Variants in PTPRN observed in about 807,000 individuals in gnomAD.
PTPRN encodes the protein protein tyrosine phosphatase receptor type N, also known as receptor-type tyrosine-protein phosphatase-like N.
Under a neutral mutation model 108.5 loss-of-function variants are expected in PTPRN, and 70 were observed. The ratio of observed to expected loss-of-function variants is 0.65; its 90% CI spans 0.53 to 0.79. The LOEUF (loss-of-function observed/expected upper bound fraction) is 0.79, where lower values mean the gene tolerates loss of function less well. PTPRN is among the 30% of genes least tolerant of loss of function. The pLI is 0.00. For synonymous variants in PTPRN, 496 were observed against 524.6 expected (o/e 0.95, Z 0.75); for missense variants, 1,136 against 1,295.5 (o/e 0.88, Z 1.89).
rs1952036146 is a variant in PTPRN, at chr2:219,290,805, C to T, written c.2794+21G>A. ...CTAAAAAGGGCCTGGGGGCTGCGGG[C>T]ACCGTGGGGAAGCTCCCTACCTTTT... On this transcript the variant is annotated intron_variant, in intron 21 of 22. Transcript: ENST00000295718. The surrounding 1 kb of genome is among the most constrained non-coding windows in gnomAD (Gnocchi z 4.2). 6.2e-7 allele frequency: 1 copy of T among 1,612,426 alleles called. No individual in the cohort carries two copies. Among genetic ancestry groups the T allele is most frequent in the African/African-American group, 1.3e-5 (1 of 74,860 alleles).
chr2:219,296,864 A>T lies in PTPRN; in HGVS notation c.2237-42T>A, dbSNP rs1559297010. On this transcript the variant is annotated intron_variant, in intron 15 of 22. Coordinates refer to ENST00000295718, the MANE Select transcript of PTPRN (RefSeq NM_002846.4). The surrounding 1 kb of genome is among the most constrained non-coding windows in gnomAD (Gnocchi z 6.0). ...CCCCACCCCAGATGGCCCTCTGGTCATTGGCATCGCGGGACCTCTGCCACT... is the reference window on the plus strand; with the variant it reads ...CCCCACCCCAGATGGCCCTCTGGTCTTTGGCATCGCGGGACCTCTGCCACT... The T allele has an allele frequency of 1.9e-6, 3 of 1,613,732 alleles. No individual in the cohort carries two copies. The highest frequency in any genetic ancestry group is 2.5e-6 in the Non-Finnish European group (3 of 1,179,770).
intron 3 of PTPRN, among the ~76,000 whole-genome samples, chr2:219,306,637 A>T (rs1263502139): frequency 6.6e-6 from 1 of 152,134 alleles, no homozygotes; most frequent in African/African-American, 2.4e-5. Context: ...AGTGATCCAC[A>T]TCCCTTCCCC....
At position 219,296,728 on chromosome 2, in the gene PTPRN, G is replaced by A. The variant is rs1412440697; in HGVS notation, c.2310+21C>T. 6.2e-6 allele frequency: 10 copies of A among 1,612,868 alleles called. No individual in the cohort carries two copies. In the South Asian group the frequency reaches 9.9e-5, roughly 16 times the overall value. On this transcript the variant is annotated intron_variant, in intron 16 of 22. Coordinates refer to ENST00000295718, the MANE Select transcript of PTPRN (RefSeq NM_002846.4). This position sits in a 1 kb window ranked among gnomAD's most constrained non-coding sequence, Gnocchi z 6.0. ...GGATAATGATGGGGCAGAGGTGGGGGCTGGAGTCAGGGCCACTCACAATGG... is the reference window on the plus strand; with the variant it reads ...GGATAATGATGGGGCAGAGGTGGGGACTGGAGTCAGGGCCACTCACAATGG...
chr2:219,295,077 T>G lies in PTPRN; in HGVS notation c.2573A>C (p.Asn858Thr). ...DFLVRSFYLK[N>T]VQTQETRTLT... is the part of the protein sequence containing the mutation. ...CGTGCGCGTCTCCTGGGTCTGCACG[T>G]TCTTCAGGTAGAAGCTCCGCACCAG... is the stretch of plus-strand genomic sequence containing the variant. Residue 858 changes from asparagine (N) to threonine (T), a missense_variant, in exon 19 of 23, where the codon AAC (asparagine) becomes ACC (threonine). Physicochemically the swap from Asn to Thr is moderately conservative, Grantham distance 65 (BLOSUM62 0). Transcript: ENST00000295718. 1 of 1,613,578 alleles carries G rather than the reference T, an allele frequency of 6.2e-7. No individual in the cohort carries two copies. Among genetic ancestry groups the G allele is most frequent in the Non-Finnish European group, 8.5e-7 (1 of 1,179,668 alleles).
intron 12 of PTPRN, 110 bp downstream of exon 12, chr2:219,298,937 G>C (rs1055963964): frequency 1.5e-6 from 2 of 1,318,394 alleles, no homozygotes; most frequent in Admixed American, 1.7e-5. Context: ...CCAGCCAGCC[G>C]TGCCTACGGA....
Position 219,300,216 on chromosome 2 carries a change from G to A in PTPRN, c.1205C>T (p.Pro402Leu), listed in dbSNP as rs780409924. ...PVEGRDTAEL[P>L]ARTSPMPGHP... is the part of the protein sequence containing the mutation. ...TCCAGGCATGGGGGATGTGCGGGCT[G>A]GAAGCTCTGCTGTGTCTCTGCCCTC... The change falls in exon 9 of 23, where the codon CCA becomes CTA. Residue 402 changes from proline to leucine, a missense_variant. By Grantham distance (98) the Pro-to-Leu change is moderately conservative. Transcript: ENST00000295718. The A allele has an allele frequency of 1.9e-6, 3 of 1,600,470 alleles. No individual in the cohort carries two copies. Among genetic ancestry groups the A allele is most frequent in the East Asian group, 2.2e-5 (1 of 44,688 alleles).
chr2:219,304,033 C>G (rs952296896), intron 3 of PTPRN: 3 of 434,040 alleles, frequency 6.9e-6, no homozygotes, highest in Non-Finnish European at 1.2e-5. Context: ...GGGTTTGAAT[C>G]CTGCCTTTGC....
rs139614168 is a variant in PTPRN at position 219,297,096 on chromosome 2, G to A, written c.2125C>T (p.Leu709Phe). 1.9e-6 allele frequency: 3 copies of A among 1,614,026 alleles called. No individual in the cohort carries two copies. The highest frequency in any genetic ancestry group is 2.5e-6 in the Non-Finnish European group (3 of 1,180,038). The change falls in exon 15 of 23, where the codon CTT (leucine) becomes TTT (phenylalanine). Residue 709 changes from leucine (L) to phenylalanine (F), a missense_variant. Leu to Phe is a conservative substitution (Grantham distance 22). Coordinates refer to ENST00000295718, the MANE Select transcript of PTPRN (RefSeq NM_002846.4). This position sits in a 1 kb window ranked among gnomAD's most constrained non-coding sequence, Gnocchi z 6.0. ...MEDHLRNRDR[L>F]AKEWQALCAY... The stretch of plus-strand genomic sequence containing the variant: ...CAGAGGGCCTGCCACTCCTTGGCAA[G>A]GCGGTCCCGGTTCCGCAGGTGATCC...
intron 19 of PTPRN, 87 bp downstream of exon 19, chr2:219,294,888 G>T: frequency 7.6e-7 from 1 of 1,315,128 alleles, no homozygotes; most frequent in Non-Finnish European, 9.9e-7. Context: ...CTCCAGGCCC[G>T]ACCCGGGGCT....
intron 1 of PTPRN, 64 bp from the exon 2 acceptor site, chr2:219,307,906 A>G (rs1952524443): frequency 6.7e-7 from 1 of 1,499,226 alleles, no homozygotes; most frequent in South Asian, 1.1e-5. Flanking sequence ...AGATGGGTGG[A>G]CAGGCTGGGA....
At chr2:219,305,370 G>A (rs569289675) in intron 3 of PTPRN, among the ~76,000 whole-genome samples, 1 of 152,084 alleles carries the variant, frequency 6.6e-6, no homozygotes, top group East Asian at 1.9e-4. Flanking sequence ...AGCCTCCTGA[G>A]TAGCTGGGAT....
chr2:219,295,997 CACACACAT>C (rs201810475), intron 18 of PTPRN: 270 of 585,394 alleles, frequency 4.6e-4, no homozygotes, highest in African/African-American at 4.0e-3. Context: ...CACACACACA[CACACACAT>C]GTATGTTCTG....
chr2:219,296,435 C>T lies in PTPRN; in HGVS notation c.2388+4G>A. ...CCAGCGAAGCCCTCCCTTTAAGAGC[C>T]CACCTGCCAGAAGTCTGCGATGGTA... On this transcript the variant is annotated splice_donor_region_variant and intron_variant, in intron 17 of 22. Transcript: ENST00000295718. The surrounding 1 kb of genome is among the most constrained non-coding windows in gnomAD (Gnocchi z 6.0). 6.2e-7 allele frequency: 1 copy of T among 1,614,156 alleles called. No homozygotes were observed. The highest frequency in any genetic ancestry group is 8.5e-7 in the Non-Finnish European group (1 of 1,180,004).
intron 19 of PTPRN, among the ~76,000 whole-genome samples, chr2:219,294,527 T>TGAAGGAGGGACGGAGAGGGAG (rs1952130524): frequency 5.8e-5 from 8 of 137,726 alleles, no homozygotes; most frequent in African/African-American, 1.4e-4. Context: ...CGGAGAGGGA[T>TGAAGGAGGGACGGAGAGGGAG]GAAGGAGGGG....
rs2125087369 is a variant in PTPRN at position 219,290,863 on chromosome 2, G to A, written c.2757C>T (p.Tyr919=). 3 of 1,614,140 alleles carry A rather than the reference G, an allele frequency of 1.9e-6. No homozygotes were observed. The highest frequency in any genetic ancestry group is 2.5e-6 in the Non-Finnish European group (3 of 1,180,002). ...CSDGAGRTGT[Y]ILIDMVLNRM... is the part of the protein sequence containing the mutation. ...GGTTCAGGACCATGTCGATGAGGAT[G>A]TAGGTGCCGGTCCTCCCCGCACCAT... The change falls in exon 21 of 23, where the codon TAC becomes TAT. Residue 919 remains tyrosine, a synonymous_variant. Coordinates refer to ENST00000295718, the MANE Select transcript of PTPRN (RefSeq NM_002846.4). This position sits in a 1 kb window ranked among gnomAD's most constrained non-coding sequence, Gnocchi z 4.2.
At chr2:219,304,734 G>A (rs1287677127) in intron 3 of PTPRN, among the ~76,000 whole-genome samples, 2 of 152,074 alleles carry the variant, frequency 1.3e-5, no homozygotes, top group African/African-American at 4.8e-5. Context: ...CACCTATTCA[G>A]GAACATTCTC....
At chr2:219,305,494 G>A (rs1952460726) in intron 3 of PTPRN, among the ~76,000 whole-genome samples, 2 of 152,068 alleles carry the variant, frequency 1.3e-5, no homozygotes, top group Non-Finnish European at 2.9e-5. Flanking sequence ...GCCTGCCCCA[G>A]CCTCCTAAAG....
chr2:219,304,299 A>G (rs2125097164), intron 3 of PTPRN, among the ~76,000 whole-genome samples: 1 of 152,308 alleles, frequency 6.6e-6, no homozygotes, highest in Middle Eastern at 3.4e-3. Context: ...TAAAGTGGAA[A>G]CGATACATAT....
rs1952512859 is a variant in PTPRN at position 219,307,500 on chromosome 2, A to G, written c.224T>C (p.Val75Ala). The change falls in exon 3 of 23, where the codon GTC becomes GCC. Residue 75 changes from valine to alanine, a missense_variant. Coordinates refer to ENST00000295718, the MANE Select transcript of PTPRN (RefSeq NM_002846.4). Reference sequence around the variant, plus strand: ...TAAGCGTTGGAGAACTGGGGAGGTGACTTGCAAAAGGGGCCGGGCCTGCCC... The same window carrying G: ...TAAGCGTTGGAGAACTGGGGAGGTGGCTTGCAAAAGGGGCCGGGCCTGCCC... ...GVGQARPLLQ[V>A]TSPVLQRLQG... The G allele has an allele frequency of 6.2e-7, 1 of 1,614,142 alleles. No individual in the cohort carries two copies. The highest frequency in any genetic ancestry group is 1.7e-5 in the Admixed American group (1 of 60,020).
Sources: gnomAD v4.1 joint callset for allele counts (sites outside exome capture counted in the v4.1 genomes callset) on GRCh38, gnomAD v4.1.1 for gene constraint, Gnocchi (gnomAD v3.1) non-coding constraint, MANE v1.5 for transcripts, NCBI Gene and HGNC (gene_info 2026-07-23, HGNC 2026-07-21) for gene names.